The following EBF1 variants were observed in gnomAD, a reference collection of about 807,000 sequenced individuals.
EBF1 encodes EBF transcription factor 1, also known as transcription factor COE1.
A neutral mutation model predicts 68.4 loss-of-function variants in EBF1; 10 were observed. The observed-to-expected ratio is 0.15, with a 90% CI of 0.09 to 0.25. EBF1 has a LOEUF of 0.25. Among genes scored for constraint, EBF1 ranks in the 10% least tolerant of loss-of-function variants. The pLI, the probability that EBF1 is intolerant of heterozygous loss-of-function variation, is 1.00. For missense variants in EBF1, 509 were observed against 794.4 expected, an observed-to-expected ratio of 0.64 and a Z score of 4.32; for synonymous variants, 298 against 299.8, an observed-to-expected ratio of 0.99 and a Z score of 0.06.
rs530690768 is a variant in EBF1, at chr5:158,778,703, A to C, written c.910-1164T>G. 5.3e-4 allele frequency among the ~76,000 whole-genome samples: 81 copies of C among 152,296 alleles called. 1 individual carries two copies. Among genetic ancestry groups the C allele is most frequent in the African/African-American group, 1.7e-3 (72 of 41,572 alleles). Reference sequence around the variant, plus strand: ...ACCAAGTCCTAGGGAAAATAATTTGAGAAAGTTGTTATTGCTAAAGCCCAC... The same window carrying C: ...ACCAAGTCCTAGGGAAAATAATTTGCGAAAGTTGTTATTGCTAAAGCCCAC... On this transcript the variant is annotated intron_variant, in intron 9 of 15. Transcript: ENST00000313708.
chr5:158,840,890 C>T (rs1039846445), intron 6 of EBF1, among the ~76,000 whole-genome samples: 1 of 151,454 alleles, frequency 6.6e-6, no homozygotes, highest in African/African-American at 2.4e-5. Flanking sequence ...CCGGGATGGT[C>T]TCGATCTCCT....
At position 158,777,629 on chromosome 5, in the gene EBF1, A is replaced by G; in HGVS notation, c.910-90T>C. ...TAGCTCTCCATAAACAAAGCTTTAA[A>G]ACACATAATTAACCTGTCTATGTTT... On this transcript the variant is annotated intron_variant, in intron 9 of 15. Coordinates refer to ENST00000313708, the MANE Select transcript of EBF1 (RefSeq NM_024007.5). The G allele has an allele frequency of 5.2e-6, 7 of 1,340,950 alleles. No homozygotes were observed. The Middle Eastern group carries it at 1.0e-3, about 200-fold the overall frequency. 83.1% of individuals were successfully genotyped at this position (1,340,950 alleles called of 1,614,324 possible).
At chr5:158,909,012 G>C (rs11948235) in intron 6 of EBF1, among the ~76,000 whole-genome samples, 4,348 of 152,236 alleles carry the variant, frequency 0.029, 209 homozygotes, top group African/African-American at 0.1. Context: ...ATTTATGGTT[G>C]GGTGTCTTGT....
chr5:159,010,037 A>G (rs1373833032), intron 6 of EBF1, among the ~76,000 whole-genome samples: 1 of 152,242 alleles, frequency 6.6e-6, no homozygotes, highest in Non-Finnish European at 1.5e-5. Flanking sequence ...CTTGACACTT[A>G]AGTACTAAGC....
At chr5:158,699,348 G>A (rs1283835207) in intron 15 of EBF1, among the ~76,000 whole-genome samples, 1 of 152,012 alleles carries the variant, frequency 6.6e-6, no homozygotes, top group Non-Finnish European at 1.5e-5. Context: ...AATCAGCATG[G>A]GTATGTGTCT....
intron 6 of EBF1, among the ~76,000 whole-genome samples, chr5:158,973,560 T>C (rs953820880): frequency 6.6e-6 from 1 of 152,088 alleles, no homozygotes; most frequent in Admixed American, 6.6e-5. Flanking sequence ...ACTTATCACA[T>C]TACAGATTTC....
At chr5:159,067,079 C>T (rs997937796) in intron 6 of EBF1, among the ~76,000 whole-genome samples, 1 of 151,928 alleles carries the variant, frequency 6.6e-6, no homozygotes, top group Non-Finnish European at 1.5e-5. Flanking sequence ...AGAGAGTTAA[C>T]CGGGTGCTGG....
chr5:158,740,219 T>C (rs1766027527), intron 10 of EBF1, among the ~76,000 whole-genome samples: 2 of 152,200 alleles, frequency 1.3e-5, no homozygotes, highest in South Asian at 4.1e-4. Context: ...TACCAGTGAC[T>C]TATGGCTCTC....
At chr5:158,782,307 C>T (rs1229723610) in intron 9 of EBF1, among the ~76,000 whole-genome samples, 2 of 152,140 alleles carry the variant, frequency 1.3e-5, no homozygotes, top group Non-Finnish European at 2.9e-5. Context: ...ACATCTTTCT[C>T]TCATTAGATA....
intron 10 of EBF1, among the ~76,000 whole-genome samples, chr5:158,732,751 G>T (rs1390517309): frequency 6.6e-6 from 1 of 152,050 alleles, no homozygotes; most frequent in African/African-American, 2.4e-5. Flanking sequence ...GTGAACTTTA[G>T]GTAACTTTTT....
chr5:159,052,089 CTA>C (rs908194341), intron 6 of EBF1, among the ~76,000 whole-genome samples: 1 of 151,870 alleles, frequency 6.6e-6, no homozygotes, highest in African/African-American at 2.4e-5. Flanking sequence ...TTTAATAAAA[CTA>C]AACCTTATTT....
chr5:158,975,697 C>T (rs1756591829), intron 6 of EBF1, among the ~76,000 whole-genome samples: 1 of 152,216 alleles, frequency 6.6e-6, no homozygotes, highest in African/African-American at 2.4e-5. Flanking sequence ...GAGGGAGAAA[C>T]TTATCCACAG....
At chr5:158,775,792 A>ATG (rs1168160436) in intron 10 of EBF1, among the ~76,000 whole-genome samples, 5 of 93,534 alleles carry the variant, frequency 5.3e-5, no homozygotes, top group African/African-American at 2.0e-4. Flanking sequence ...AGACACACAC[A>ATG]CACACACACA....
chr5:158,838,302 C>T (rs776956878), intron 7 of EBF1, among the ~76,000 whole-genome samples: 4 of 151,844 alleles, frequency 2.6e-5, no homozygotes, highest in Admixed American at 1.3e-4. Flanking sequence ...AAAAATTAGC[C>T]GGGCATGGTG....
chr5:159,053,946 T>A (rs977288991), intron 6 of EBF1, among the ~76,000 whole-genome samples: 1 of 152,220 alleles, frequency 6.6e-6, no homozygotes, highest in African/African-American at 2.4e-5. Flanking sequence ...TTCCTTGGGA[T>A]AAATGGCCAG....
rs1444065250 is a variant in EBF1, at chr5:158,697,592, T to C, written c.*1519A>G. On this transcript the variant is annotated 3_prime_UTR_variant, in exon 16 of 16. Transcript: ENST00000313708. Reference sequence around the variant, plus strand: ...TATATGGATATTTTACAAAATCCCCTTTAAAACAAAAAGCCTTTTAATTAA... The same window carrying C: ...TATATGGATATTTTACAAAATCCCCCTTAAAACAAAAAGCCTTTTAATTAA... The C allele has an allele frequency of 4.9e-6, 1 of 205,048 alleles. No homozygotes were observed. Among genetic ancestry groups the C allele is most frequent in the African/African-American group, 2.3e-5 (1 of 43,860 alleles). The allele number at this position is 205,048 out of a possible 1,614,324, so 12.7% of individuals were successfully genotyped here. A position where few individuals can be genotyped will look rare whatever the true frequency, so the allele number is the denominator to read the frequency against.
intron 9 of EBF1, among the ~76,000 whole-genome samples, chr5:158,784,882 A>G (rs1030582485): frequency 2.6e-5 from 4 of 152,172 alleles, no homozygotes; most frequent in African/African-American, 9.7e-5. Context: ...CCATTCACTC[A>G]TTGACACCCT....
intron 6 of EBF1, among the ~76,000 whole-genome samples, chr5:158,877,651 T>C (rs559128121): frequency 1.3e-4 from 20 of 152,256 alleles, no homozygotes; most frequent in African/African-American, 4.8e-4. Flanking sequence ...AGAGAGACAT[T>C]TTAGTGACCC....
At chr5:158,719,620 C>T (rs1761507187) in intron 11 of EBF1, among the ~76,000 whole-genome samples, 1 of 152,098 alleles carries the variant, frequency 6.6e-6, no homozygotes, top group South Asian at 2.1e-4. Flanking sequence ...CTGGCCAATA[C>T]TGGGCCCATT....
Sources: allele counts gnomAD v4.1 joint callset (sites outside exome capture counted in the v4.1 genomes callset), GRCh38; gene constraint gnomAD v4.1.1; transcripts MANE v1.5; gene names NCBI Gene and HGNC (gene_info 2026-07-23, HGNC 2026-07-21).